The following ZNF804B variants were observed in gnomAD, a reference collection of about 807,000 sequenced individuals.
ZNF804B encodes the protein zinc finger protein 804B.
In ZNF804B, 80 loss-of-function variants were observed where a neutral mutation model predicts 101.4. The observed-to-expected ratio is 0.79, with a 90% CI of 0.66 to 0.95. The LOEUF (loss-of-function observed/expected upper bound fraction) is 0.95, where lower values mean the gene tolerates loss of function less well. Ranked by LOEUF, ZNF804B falls within the 40% of genes least tolerant of loss-of-function variation. The pLI is 0.00. For synonymous variants in ZNF804B, 622 were observed against 558.8 expected, an observed-to-expected ratio of 1.11 and a Z score of -1.59; for missense variants, 1,673 against 1,561.9, an observed-to-expected ratio of 1.07 and a Z score of -1.20.
At chr7:89,028,719 G>C (rs1328432347) in intron 1 of ZNF804B, among the ~76,000 whole-genome samples, 2 of 152,056 alleles carry the variant, frequency 1.3e-5, no homozygotes, top group African/African-American at 4.8e-5. Flanking sequence ...AGTGATTTTA[G>C]TCAACTACTT....
At chr7:89,185,917 AAGTT>A (rs1788368292) in intron 1 of ZNF804B, among the ~76,000 whole-genome samples, 1 of 152,060 alleles carries the variant, frequency 6.6e-6, no homozygotes, top group African/African-American at 2.4e-5. Context: ...CAATTTTAAA[AAGTT>A]AGTCCTTATA....
chr7:89,101,853 C>A (rs1016989546), intron 1 of ZNF804B, among the ~76,000 whole-genome samples: 7 of 151,858 alleles, frequency 4.6e-5, no homozygotes, highest in African/African-American at 1.4e-4. Context: ...TAATCCTCAT[C>A]CCCCTTCCTT....
chr7:88,816,608 T>C (rs1027979690), intron 1 of ZNF804B, among the ~76,000 whole-genome samples: 2 of 150,208 alleles, frequency 1.3e-5, no homozygotes, highest in Non-Finnish European at 3.0e-5. Flanking sequence ...AAGACATTTA[T>C]GCAGCCAACA....
At chr7:89,304,516 GGTATGTGTGT>G (rs937808418) in intron 2 of ZNF804B, among the ~76,000 whole-genome samples, 1 of 146,506 alleles carries the variant, frequency 6.8e-6, no homozygotes, top group Admixed American at 7.0e-5. Context: ...AGGATGTGTG[GGTATGTGTGT>G]GTATGTGTGT....
intron 1 of ZNF804B, among the ~76,000 whole-genome samples, chr7:89,024,536 G>T (rs139242650): frequency 1.3e-5 from 2 of 150,858 alleles, no homozygotes; most frequent in Non-Finnish European, 2.9e-5. Context: ...TTTATTAGTG[G>T]CATATTCATT....
At chr7:89,211,184 A>C (rs544471793) in intron 1 of ZNF804B, among the ~76,000 whole-genome samples, 39 of 152,052 alleles carry the variant, frequency 2.6e-4, no homozygotes, top group African/African-American at 9.4e-4. Context: ...ACTTTTTAAT[A>C]GGGTTGTTTG....
At chr7:89,238,925 G>A (rs1789322059) in intron 2 of ZNF804B, among the ~76,000 whole-genome samples, 2 of 152,144 alleles carry the variant, frequency 1.3e-5, no homozygotes, top group African/African-American at 4.8e-5. Flanking sequence ...AGCTTCAGTT[G>A]TTGGAAAATA....
chr7:88,813,984 A>G (rs761620289), intron 1 of ZNF804B, among the ~76,000 whole-genome samples: 2 of 152,222 alleles, frequency 1.3e-5, no homozygotes, highest in Non-Finnish European at 2.9e-5. Context: ...ATCAGGCTAA[A>G]TAGTACTCAT....
intron 2 of ZNF804B, among the ~76,000 whole-genome samples, chr7:89,268,326 C>CT (rs921927620): frequency 6.6e-5 from 10 of 152,086 alleles, no homozygotes; most frequent in African/African-American, 1.9e-4. Flanking sequence ...TTTAACAATT[C>CT]TTTTTTAAAA....
intron 1 of ZNF804B, among the ~76,000 whole-genome samples, chr7:88,902,956 C>A (rs1792414715): frequency 6.6e-6 from 1 of 151,936 alleles, no homozygotes; most frequent in South Asian, 2.1e-4. Context: ...AAAATTTCAA[C>A]TTTTATTTTA....
intron 3 of ZNF804B, among the ~76,000 whole-genome samples, chr7:89,328,508 A>C (rs769788285): frequency 6.6e-6 from 1 of 151,866 alleles, no homozygotes; most frequent in Non-Finnish European, 1.5e-5. Context: ...CTGGGGTCTT[A>C]TACAACTCTA....
rs1417597319 is a variant in ZNF804B, at chr7:89,333,752, A to C, written c.770A>C (p.Lys257Thr). The C allele has an allele frequency of 6.2e-7, 1 of 1,613,640 alleles. No homozygotes were observed. The highest frequency in any genetic ancestry group is 2.2e-5 in the East Asian group (1 of 44,852). ...AACAAGTCACCCATTTATAAAACAA[A>C]ACAAACTGCAGATAAGTGCAAGTGC... The part of the protein sequence containing the change: ...DCNKSPIYKT[K>T]QTADKCKCCR... Residue 257 changes from lysine (K) to threonine (T), a missense_variant, in exon 4 of 4, where the codon AAA becomes ACA. Lys to Thr is a moderately conservative substitution (Grantham distance 78, BLOSUM62 -1). Coordinates refer to ENST00000333190, the MANE Select transcript of ZNF804B (RefSeq NM_181646.5).
Position 88,759,903 on chromosome 7 carries a change from T to G in ZNF804B, c.-74T>G. On this transcript the variant is annotated 5_prime_UTR_variant, in exon 1 of 4. An upstream open reading frame in the 5' UTR loses its in-frame stop. Coordinates refer to ENST00000333190, the MANE Select transcript of ZNF804B (RefSeq NM_181646.5). ...GGGAGGTGGTAGTCGCTGTTGCCGC[T>G]GAGAAACCCGCCCGCTTTCCACGGC... The G allele has an allele frequency of 3.0e-5, 40 of 1,345,356 alleles. No homozygotes were observed. The highest frequency in any genetic ancestry group is 4.0e-5 in the Non-Finnish European group (38 of 941,936). 83.3% of individuals were successfully genotyped at this position (1,345,356 alleles called of 1,614,324 possible).
chr7:89,163,987 C>T (rs1791106151), intron 1 of ZNF804B, among the ~76,000 whole-genome samples: 3 of 151,620 alleles, frequency 2.0e-5, no homozygotes, highest in South Asian at 2.1e-4. Context: ...AGGGAATGAC[C>T]ATTTTTACAT....
intron 2 of ZNF804B, among the ~76,000 whole-genome samples, chr7:89,283,574 T>G (rs1790132128): frequency 6.6e-6 from 1 of 152,234 alleles, no homozygotes; most frequent in African/African-American, 2.4e-5. Flanking sequence ...GCTGTGTCAC[T>G]TTTTGTTGTT....
intron 1 of ZNF804B, among the ~76,000 whole-genome samples, chr7:88,993,428 A>C (rs1297058415): frequency 6.6e-6 from 1 of 152,034 alleles, no homozygotes; most frequent in East Asian, 1.9e-4. Flanking sequence ...CAAAAAACTT[A>C]TGAGAAATAA....
At chr7:88,938,930 A>G (rs1321162349) in intron 1 of ZNF804B, among the ~76,000 whole-genome samples, 2 of 152,076 alleles carry the variant, frequency 1.3e-5, no homozygotes, top group Non-Finnish European at 2.9e-5. Context: ...TTCTAGAAAA[A>G]AATAGACAAA....
intron 1 of ZNF804B, among the ~76,000 whole-genome samples, chr7:88,949,507 C>G (rs1476762873): frequency 6.6e-6 from 1 of 151,872 alleles, no homozygotes; most frequent in East Asian, 2.0e-4. Context: ...ACTTTAGTAA[C>G]TTTTCTAATC....
chr7:88,993,038 C>T (rs1265679789), intron 1 of ZNF804B, among the ~76,000 whole-genome samples: 1 of 151,694 alleles, frequency 6.6e-6, no homozygotes, highest in African/African-American at 2.4e-5. Context: ...AAGAAAAAAG[C>T]AGCACAACAT....
Sources: gnomAD v4.1 joint callset for allele counts (sites outside exome capture counted in the v4.1 genomes callset) on GRCh38, gnomAD v4.1.1 for gene constraint, MANE v1.5 for transcripts, NCBI Gene and HGNC (gene_info 2026-07-23, HGNC 2026-07-21) for gene names.